CSMD1: variants seen among roughly 807,000 people sequenced by gnomAD.
CSMD1 encodes CUB and sushi domain-containing protein 1.
In CSMD1, 213 loss-of-function variants were observed where a neutral mutation model predicts 417.5. The ratio of observed to expected loss-of-function variants is 0.51; its 90% CI spans 0.46 to 0.57. CSMD1 has a LOEUF of 0.57. Ranked by LOEUF, CSMD1 falls within the 20% of genes least tolerant of loss-of-function variation. The pLI is 0.00. For missense variants in CSMD1, 6,923 were observed against 4,529.7 expected, an observed-to-expected ratio of 1.53 and a Z score of -15.17; for synonymous variants, 2,862 against 1,736.8, an observed-to-expected ratio of 1.65 and a Z score of -16.11.
intron 4 of CSMD1, among the ~76,000 whole-genome samples, chr8:4,009,000 G>C (rs17068528): frequency 0.013 from 1,965 of 152,234 alleles, 48 homozygotes; most frequent in African/African-American, 0.045. Flanking sequence ...GGTAGGTTTT[G>C]TGCCCATACC....
chr8:3,976,564 G>A (rs1255433957), intron 5 of CSMD1, among the ~76,000 whole-genome samples: 3 of 152,096 alleles, frequency 2.0e-5, no homozygotes, highest in Non-Finnish European at 2.9e-5. Flanking sequence ...TGTCTTCTCA[G>A]CAATTAAGAC....
intron 7 of CSMD1, among the ~76,000 whole-genome samples, chr8:3,690,763 T>G (rs1478806948): frequency 3.9e-5 from 6 of 152,214 alleles, no homozygotes; most frequent in African/African-American, 1.4e-4. Flanking sequence ...TTTCTTACTT[T>G]TATAAGATAA....
chr8:4,235,216 G>T (rs1306103806), intron 3 of CSMD1, among the ~76,000 whole-genome samples: 1 of 151,722 alleles, frequency 6.6e-6, no homozygotes, highest in Non-Finnish European at 1.5e-5. Context: ...ATGGACCAAG[G>T]GTGCAAAAAA....
chr8:3,135,923 G>A (rs1290300690), intron 41 of CSMD1, among the ~76,000 whole-genome samples: 1 of 152,180 alleles, frequency 6.6e-6, no homozygotes, highest in East Asian at 1.9e-4. Flanking sequence ...AAAAAGCTAT[G>A]AAAATCACAA....
At chr8:4,478,079 GT>G (rs981175796) in intron 2 of CSMD1, among the ~76,000 whole-genome samples, 2 of 152,090 alleles carry the variant, frequency 1.3e-5, no homozygotes, top group Admixed American at 6.5e-5. Context: ...ATTTTAACCT[GT>G]TTTTTTATGG....
chr8:4,048,558 G>C (rs1376145667), intron 3 of CSMD1, among the ~76,000 whole-genome samples: 1 of 152,206 alleles, frequency 6.6e-6, no homozygotes, highest in Non-Finnish European at 1.5e-5. Flanking sequence ...GGGAGAGCCA[G>C]GATTTGACCT....
chr8:4,001,187 A>C (rs1815643725), intron 4 of CSMD1, among the ~76,000 whole-genome samples: 1 of 152,226 alleles, frequency 6.6e-6, no homozygotes, highest in South Asian at 2.1e-4. Flanking sequence ...AACATAGAAT[A>C]CAAGTGTATA....
At chr8:4,583,124 C>A (rs1278316342) in intron 2 of CSMD1, among the ~76,000 whole-genome samples, 1 of 152,208 alleles carries the variant, frequency 6.6e-6, no homozygotes, top group East Asian at 1.9e-4. Flanking sequence ...ACTCCATGGG[C>A]TCCTGTGCGG....
At chr8:3,329,265 A>T (rs1053384518) in intron 23 of CSMD1, among the ~76,000 whole-genome samples, 1 of 152,154 alleles carries the variant, frequency 6.6e-6, no homozygotes, top group African/African-American at 2.4e-5. Context: ...AGTGAACCCT[A>T]TAAGACACAT....
intron 3 of CSMD1, among the ~76,000 whole-genome samples, chr8:4,249,165 G>A (rs181421213): frequency 1.4e-4 from 21 of 152,306 alleles, no homozygotes; most frequent in South Asian, 6.2e-4. Context: ...TATATTAAGA[G>A]AATGATAGAC....
At position 3,708,483 on chromosome 8, in the gene CSMD1, C is replaced by A. The variant is rs758174082; in HGVS notation, c.940G>T (p.Ala314Ser). Residue 314 changes from alanine (A) to serine (S), a missense_variant, in exon 7 of 70, where the codon GCG becomes TCG. Physicochemically the swap from Ala to Ser is moderately conservative, Grantham distance 99. Coordinates refer to ENST00000635120, the MANE Select transcript of CSMD1 (RefSeq NM_033225.6). Reference protein sequence around the residue: ...GFNAQFQVKKAIELKSRGVKM... With the variant: ...GFNAQFQVKKSIELKSRGVKM... Reference sequence around the variant, plus strand: ...ACTCCTCTTGACTTCAACTCAATCGCCTTTTTCACTGGAAGAAACAAAACC... The same window carrying A: ...ACTCCTCTTGACTTCAACTCAATCGACTTTTTCACTGGAAGAAACAAAACC... 1.9e-6 allele frequency: 3 copies of A among 1,613,878 alleles called. No homozygotes were observed. The highest frequency in any genetic ancestry group is 1.7e-6 in the Non-Finnish European group (2 of 1,179,856).
At chr8:3,244,616 G>GGACA (rs1182895641) in intron 26 of CSMD1, among the ~76,000 whole-genome samples, 1 of 152,168 alleles carries the variant, frequency 6.6e-6, no homozygotes, top group Non-Finnish European at 1.5e-5. Context: ...ACCCAAGGCA[G>GGACA]GACAGCCAGG....
intron 50 of CSMD1, among the ~76,000 whole-genome samples, chr8:3,045,194 T>G (rs1430712884): frequency 6.6e-6 from 1 of 152,204 alleles, no homozygotes; most frequent in African/African-American, 2.4e-5. Flanking sequence ...ATTATAAACG[T>G]TACATTTATT....
At chr8:3,983,910 C>T (rs772765310) in intron 5 of CSMD1, among the ~76,000 whole-genome samples, 3 of 151,816 alleles carry the variant, frequency 2.0e-5, no homozygotes, top group Non-Finnish European at 4.4e-5. Flanking sequence ...CTAGAGCACA[C>T]CGCACATCTG....
rs143703373 is a variant in CSMD1, at chr8:3,931,269, G to C, written c.818+66634C>G. Among the ~76,000 whole-genome samples the C allele has an allele frequency of 6.1e-3, 913 of 150,554 alleles. 54 individuals carry two copies. The highest frequency in any genetic ancestry group is 0.01 in the Non-Finnish European group (692 of 67,540). On this transcript the variant is annotated intron_variant, in intron 5 of 69. Coordinates refer to ENST00000635120, the MANE Select transcript of CSMD1 (RefSeq NM_033225.6). ...AGTTTCTCAGAACGCTCTGCATTTT[G>C]AATTGTTAATAAATGGTATTGTGAA...
chr8:3,237,652 A>T (rs372678988), intron 26 of CSMD1, among the ~76,000 whole-genome samples: 1 of 108,024 alleles, frequency 9.3e-6, no homozygotes, highest in African/African-American at 3.0e-5. Flanking sequence ...ATAATTTTTT[A>T]AATTATACTA....
At chr8:4,959,301 T>C (rs560083501) in intron 1 of CSMD1, among the ~76,000 whole-genome samples, 2 of 152,332 alleles carry the variant, frequency 1.3e-5, no homozygotes, top group African/African-American at 2.4e-5. Flanking sequence ...GGTATGTTTA[T>C]TGTAGGAATT....
intron 5 of CSMD1, among the ~76,000 whole-genome samples, chr8:3,989,672 G>T (rs138886534): frequency 6.6e-6 from 1 of 152,088 alleles, no homozygotes; most frequent in African/African-American, 2.4e-5. Flanking sequence ...ATTAAGAAAC[G>T]ATACTGTGAT....
intron 54 of CSMD1, among the ~76,000 whole-genome samples, chr8:2,988,389 T>C (rs1329767201): frequency 1.3e-5 from 2 of 152,158 alleles, no homozygotes; most frequent in African/African-American, 4.8e-5. Flanking sequence ...TTGCATGCAA[T>C]ACACAAATTA....
Sources: gnomAD v4.1 joint callset for allele counts (sites outside exome capture counted in the v4.1 genomes callset) on GRCh38, gnomAD v4.1.1 for gene constraint, MANE v1.5 for transcripts, NCBI Gene and HGNC (gene_info 2026-07-23, HGNC 2026-07-21) for gene names.